Variants in EBF3 observed in about 807,000 individuals in gnomAD.
EBF3 encodes EBF transcription factor 3, also known as transcription factor COE3.
A neutral mutation model predicts 77.1 loss-of-function variants in EBF3; 18 were observed. The observed-to-expected ratio is 0.23, with a 90% CI of 0.16 to 0.35. The LOEUF (loss-of-function observed/expected upper bound fraction) is 0.35, where lower values mean the gene tolerates loss of function less well. Ranked by LOEUF, EBF3 falls within the 10% of genes least tolerant of loss-of-function variation. EBF3 has a pLI of 1.00. For synonymous variants in EBF3, 350 were observed against 343.5 expected, an observed-to-expected ratio of 1.02 and a Z score of -0.21; for missense variants, 558 against 860.0, an observed-to-expected ratio of 0.65 and a Z score of 4.39.
chr10:129,862,973 G>A (rs1206255349), intron 10 of EBF3, among the ~76,000 whole-genome samples: 2 of 152,184 alleles, frequency 1.3e-5, no homozygotes, highest in East Asian at 1.9e-4. Context: ...CACACTGTTA[G>A]ACAAATATTA....
chr10:129,904,570 G>A (rs1313835757), intron 6 of EBF3, among the ~76,000 whole-genome samples: 1 of 151,102 alleles, frequency 6.6e-6, no homozygotes, highest in Non-Finnish European at 1.5e-5. Context: ...ATGGATGAAC[G>A]GATGGATGGA....
intron 6 of EBF3, among the ~76,000 whole-genome samples, chr10:129,936,630 G>T (rs556742616): frequency 1.3e-5 from 2 of 151,374 alleles, no homozygotes; most frequent in South Asian, 2.1e-4. Flanking sequence ...TATGGCAGGG[G>T]ACCCTCAGCT....
rs1393973966 is a variant in EBF3 at position 129,848,720 on chromosome 10, T to G, written c.1040-240A>C. ...AAGAAAGTCAAAGGGTGACTCAATA[T>G]ATTGTAAAAATGGTAGTGCAGTCAC... On this transcript the variant is annotated intron_variant, in intron 10 of 16. Coordinates refer to ENST00000440978, the MANE Select transcript of EBF3 (RefSeq NM_001375380.1). This position sits in a 1 kb window ranked among gnomAD's most constrained non-coding sequence, Gnocchi z 4.4. 6.6e-6 allele frequency among the ~76,000 whole-genome samples: 1 copy of G among 152,220 alleles called. No individual in the cohort carries two copies. Among genetic ancestry groups the G allele is most frequent in the East Asian group, 1.9e-4 (1 of 5,192 alleles).
At chr10:129,941,189 G>A (rs1041837600) in intron 6 of EBF3, among the ~76,000 whole-genome samples, 1 of 152,226 alleles carries the variant, frequency 6.6e-6, no homozygotes, top group African/African-American at 2.4e-5. Context: ...TCAGCCTGTT[G>A]GCAGGCATCA....
At chr10:129,917,987 G>A (rs902760099) in intron 6 of EBF3, among the ~76,000 whole-genome samples, 1 of 152,182 alleles carries the variant, frequency 6.6e-6, no homozygotes. Context: ...CCAACCACTT[G>A]GTATTGACTT....
At chr10:129,960,863 G>A (rs1859460753) in intron 4 of EBF3, among the ~76,000 whole-genome samples, 2 of 152,180 alleles carry the variant, frequency 1.3e-5, no homozygotes, top group Non-Finnish European at 2.9e-5. Context: ...ATATACAAAG[G>A]AAATAAAATC....
At chr10:129,911,823 T>A (rs1408914656) in intron 6 of EBF3, among the ~76,000 whole-genome samples, 1 of 152,122 alleles carries the variant, frequency 6.6e-6, no homozygotes, top group Non-Finnish European at 1.5e-5. Context: ...CCAAGTGCCC[T>A]CTCACCCACA....
chr10:129,911,842 G>C (rs532578739), intron 6 of EBF3, among the ~76,000 whole-genome samples: 1 of 152,208 alleles, frequency 6.6e-6, no homozygotes, highest in Admixed American at 6.5e-5. Context: ...CAGGGAGGCC[G>C]GTTCGGCAGC....
chr10:129,880,696 C>T (rs1297067184), intron 6 of EBF3, among the ~76,000 whole-genome samples: 2 of 152,236 alleles, frequency 1.3e-5, no homozygotes, highest in African/African-American at 2.4e-5. Context: ...ATAAAGTAAG[C>T]TCAACAGTCA....
rs1380125211 is a variant in EBF3, at chr10:129,841,176, C to T, written c.1373-144G>A. 8.0e-6 allele frequency: 9 copies of T among 1,131,214 alleles called. No individual in the cohort carries two copies. The highest frequency in any genetic ancestry group is 2.6e-5 in the East Asian group (1 of 38,580). 70.1% of individuals were successfully genotyped at this position (1,131,214 alleles called of 1,614,324 possible). ...CCTGCTCTAGCGCCTGCTGCCAGCT[C>T]GGATGACCTTATCACGCCAACCCTG... On this transcript the variant is annotated intron_variant, in intron 13 of 16. Coordinates refer to ENST00000440978, the MANE Select transcript of EBF3 (RefSeq NM_001375380.1). This position sits in a 1 kb window ranked among gnomAD's most constrained non-coding sequence, Gnocchi z 4.6.
rs1457815950 is a variant in EBF3 at position 129,863,617 on chromosome 10, T to TG, written c.1039+3523dup. 6.6e-6 allele frequency among the ~76,000 whole-genome samples: 1 copy of TG among 152,192 alleles called. No homozygotes were observed. The highest frequency in any genetic ancestry group is 2.4e-5 in the African/African-American group (1 of 41,450). On this transcript the variant is annotated intron_variant, in intron 10 of 16. Coordinates refer to ENST00000440978, the MANE Select transcript of EBF3 (RefSeq NM_001375380.1). The surrounding 1 kb of genome is among the most constrained non-coding windows in gnomAD (Gnocchi z 4.0). ...AGGGTGTCCCGGCAGCCTCCGGGGC[T>TG]GGGGGACACTGATGGGAACCAGACG...
chr10:129,907,920 C>T (rs187897454), intron 6 of EBF3, among the ~76,000 whole-genome samples: 2 of 152,226 alleles, frequency 1.3e-5, no homozygotes, highest in African/African-American at 4.8e-5. Context: ...GCAAAAAATA[C>T]AATTTGTGGA....
Position 129,867,271 on chromosome 10 carries a change from C to T in EBF3, c.913-4G>A. ...GGATGGCATGGGGAGTTATCAGCTA[C>T]AAAAACCACACGGTGAACAGGCGCT... On this transcript the variant is annotated splice_polypyrimidine_tract_variant and splice_region_variant and intron_variant, in intron 9 of 16. Transcript: ENST00000440978. The T allele has an allele frequency of 6.2e-7, 1 of 1,613,724 alleles. No individual in the cohort carries two copies. The highest frequency in any genetic ancestry group is 2.2e-5 in the East Asian group (1 of 44,850).
rs1172189557 is a variant in EBF3 at position 129,835,354 on chromosome 10, G to GA, written c.*2588dup. 6.6e-6 allele frequency: 1 copy of GA among 152,448 alleles called. No homozygotes were observed. Among genetic ancestry groups the GA allele is most frequent in the Non-Finnish European group, 1.5e-5 (1 of 68,006 alleles). The allele number at this position is 152,448 out of a possible 1,614,324, so 9.4% of individuals were successfully genotyped here. ...AACATTTTTATACAGTTAAATATCT[G>GA]AAAAAATGTACAGATAAAACAATCT... On this transcript the variant is annotated 3_prime_UTR_variant, in exon 17 of 17. Transcript: ENST00000440978.
rs550536074 is a variant in EBF3 at position 129,944,168 on chromosome 10, C to A, written c.554+13090G>T. Among the ~76,000 whole-genome samples, 16 of 152,176 alleles carry A rather than the reference C, an allele frequency of 1.1e-4. No homozygotes were observed. Among genetic ancestry groups the A allele is most frequent in the Admixed American group, 9.8e-4 (15 of 15,288 alleles). ...TATTAAAGATATTTATCTTATACAA[C>A]AAGAATAAAATCAATTTGCAAGGCC... On this transcript the variant is annotated intron_variant, in intron 6 of 16. Transcript: ENST00000440978. The surrounding 1 kb of genome is among the most constrained non-coding windows in gnomAD (Gnocchi z 5.1).
Position 129,897,504 on chromosome 10 carries a change from A to G in EBF3, c.555-19655T>C, listed in dbSNP as rs1854477931. Among the ~76,000 whole-genome samples the G allele has an allele frequency of 2.0e-5, 3 of 152,176 alleles. No individual in the cohort carries two copies. Among genetic ancestry groups the G allele is most frequent in the African/African-American group, 7.2e-5 (3 of 41,540 alleles). On this transcript the variant is annotated intron_variant, in intron 6 of 16. Coordinates refer to ENST00000440978, the MANE Select transcript of EBF3 (RefSeq NM_001375380.1). The surrounding 1 kb of genome is among the most constrained non-coding windows in gnomAD (Gnocchi z 4.6). Reference sequence around the variant, plus strand: ...AAATCAAGGGGGGCCAGGCAGACCTAACAAACAGAGGCAACACCTATGCAG... The same window carrying G: ...AAATCAAGGGGGGCCAGGCAGACCTGACAAACAGAGGCAACACCTATGCAG...
chr10:129,904,722 A>G (rs1427891156), intron 6 of EBF3, among the ~76,000 whole-genome samples: 2 of 144,416 alleles, frequency 1.4e-5, no homozygotes, highest in African/African-American at 2.5e-5. Context: ...TAAGATTTAT[A>G]TAGATCTCTC....
At position 129,837,535 on chromosome 10, in the gene EBF3, A is replaced by C. The variant is rs1250534793; in HGVS notation, c.*408T>G. 1 of 196,602 alleles carries C rather than the reference A, an allele frequency of 5.1e-6. No individual in the cohort carries two copies. Among genetic ancestry groups the C allele is most frequent in the Non-Finnish European group, 1.0e-5 (1 of 96,024 alleles). 12.2% of individuals were successfully genotyped at this position (196,602 alleles called of 1,614,324 possible). On this transcript the variant is annotated 3_prime_UTR_variant, in exon 17 of 17. Coordinates refer to ENST00000440978, the MANE Select transcript of EBF3 (RefSeq NM_001375380.1). ...AGTATGAGTACAGAAAAATGTTTGG[A>C]GGCATTTTTCATCAGCGTTTCATGA...
rs778643291 is a variant in EBF3, at chr10:129,848,678, A to G, written c.1040-198T>C. Among the ~76,000 whole-genome samples, 19 of 152,168 alleles carry G rather than the reference A, an allele frequency of 1.2e-4. No homozygotes were observed. The highest frequency in any genetic ancestry group is 2.5e-4 in the Non-Finnish European group (17 of 68,044). On this transcript the variant is annotated intron_variant, in intron 10 of 16. Transcript: ENST00000440978. The surrounding 1 kb of genome is among the most constrained non-coding windows in gnomAD (Gnocchi z 4.4). The stretch of plus-strand genomic sequence containing the variant: ...CACATAAAAGCAACGATTATTTCTG[A>G]TCTATAATTAGACTGGAAGAAAGTC...
Sources: allele counts gnomAD v4.1 joint callset (sites outside exome capture counted in the v4.1 genomes callset), GRCh38; gene constraint gnomAD v4.1.1; non-coding constraint Gnocchi (gnomAD v3.1); transcripts MANE v1.5; gene names NCBI Gene and HGNC (gene_info 2026-07-23, HGNC 2026-07-21).